Variants in SMAD1 observed in about 807,000 individuals in gnomAD.
SMAD1 encodes MAD, mothers against decapentaplegic homolog 1.
SMAD1 carries 6 observed loss-of-function variants against 41.6 expected under a neutral mutation model. The ratio of observed to expected loss-of-function variants is 0.14; its 90% CI spans 0.08 to 0.28. SMAD1 has a LOEUF of 0.28. Ranked by LOEUF, SMAD1 falls within the 10% of genes least tolerant of loss-of-function variation. The pLI is 1.00. For synonymous variants in SMAD1, 206 were observed against 203.2 expected (o/e 1.01, Z -0.12); for missense variants, 379 against 582.6 (o/e 0.65, Z 3.60).
intron 3 of SMAD1, among the ~76,000 whole-genome samples, chr4:145,540,489 A>T (rs1164482049): frequency 6.6e-6 from 1 of 152,248 alleles, no homozygotes; most frequent in Non-Finnish European, 1.5e-5. Flanking sequence ...ATATTTCCTG[A>T]GGGATCCCAC....
At chr4:145,535,578 C>A (rs1193671960) in intron 2 of SMAD1, among the ~76,000 whole-genome samples, 3 of 152,070 alleles carry the variant, frequency 2.0e-5, no homozygotes, top group African/African-American at 7.2e-5. Flanking sequence ...AGTAGGCTAT[C>A]TTTCTTTTTA....
intron 1 of SMAD1, chr4:145,497,700 T>C (rs1729170355): frequency 6.6e-6 from 1 of 152,224 alleles, no homozygotes. Flanking sequence ...AAGACTGTAC[T>C]GAACAAGTGA....
chr4:145,546,184 C>G (rs1360427660), intron 4 of SMAD1: 1 of 157,000 alleles, frequency 6.4e-6, no homozygotes, highest in Non-Finnish European at 1.4e-5. Context: ...AAAGTAACTT[C>G]TTATCAATAA....
intron 2 of SMAD1, among the ~76,000 whole-genome samples, chr4:145,533,616 T>A (rs533844525): frequency 1.3e-5 from 2 of 152,296 alleles, no homozygotes; most frequent in South Asian, 4.1e-4. Context: ...CCCAGGAGTT[T>A]GAGGCTGAAT....
chr4:145,517,813 A>G (rs567640709), intron 2 of SMAD1, among the ~76,000 whole-genome samples: 1 of 125,850 alleles, frequency 7.9e-6, no homozygotes, highest in Non-Finnish European at 2.0e-5. Context: ...CATATGTGCT[A>G]ATAAAATAAT....
intron 2 of SMAD1, among the ~76,000 whole-genome samples, chr4:145,534,147 A>G (rs762182036): frequency 3.9e-4 from 59 of 152,172 alleles, no homozygotes; most frequent in Non-Finnish European, 5.9e-4. Flanking sequence ...AGGGAAACCA[A>G]CCTGCCAACA....
At chr4:145,514,000 G>T (rs1465113720) in intron 1 of SMAD1, among the ~76,000 whole-genome samples, 2 of 152,180 alleles carry the variant, frequency 1.3e-5, no homozygotes, top group Admixed American at 6.5e-5. Context: ...CATAGACTGG[G>T]TGGCTTAAAT....
chr4:145,509,729 T>G (rs1402560960), intron 1 of SMAD1, among the ~76,000 whole-genome samples: 2 of 152,196 alleles, frequency 1.3e-5, no homozygotes, highest in Non-Finnish European at 2.9e-5. Flanking sequence ...ATAGGTACAC[T>G]CTGACCAAGT....
intron 1 of SMAD1, among the ~76,000 whole-genome samples, chr4:145,492,241 T>C (rs1480183684): frequency 6.6e-6 from 1 of 152,148 alleles, no homozygotes; most frequent in East Asian, 1.9e-4. Context: ...TGACTCTACC[T>C]GGAGATAGCC....
chr4:145,498,463 CATGTAGAA>C (rs572692973), intron 1 of SMAD1, among the ~76,000 whole-genome samples: 21 of 152,064 alleles, frequency 1.4e-4, no homozygotes, highest in Non-Finnish European at 2.8e-4. Flanking sequence ...CTTCTAGAGC[CATGTAGAA>C]ATAACTCTCT....
rs1378933170 is a variant in SMAD1, at chr4:145,558,981, T to TAAAG, written c.*1050_*1053dup. On this transcript the variant is annotated 3_prime_UTR_variant, in exon 7 of 7. Coordinates refer to ENST00000302085, the MANE Select transcript of SMAD1 (RefSeq NM_005900.3). Reference sequence around the variant, plus strand: ...AACTCTGTTAAATATTTGGAGGATTTAAAGAACATCCCAGTTTGAATTCAT... The same window carrying TAAAG: ...AACTCTGTTAAATATTTGGAGGATTTAAAGAAAGAACATCCCAGTTTGAATTCAT... Among the ~76,000 whole-genome samples, 1 of 152,216 alleles carries TAAAG rather than the reference T, an allele frequency of 6.6e-6. No homozygotes were observed. The highest frequency in any genetic ancestry group is 6.5e-5 in the Admixed American group (1 of 15,284).
intron 5 of SMAD1, among the ~76,000 whole-genome samples, chr4:145,553,184 T>TC (rs1732649355): frequency 2.0e-5 from 3 of 152,028 alleles, no homozygotes; most frequent in Non-Finnish European, 4.4e-5. Context: ...GTGCTGAGAT[T>TC]ACAGGCGTGA....
intron 4 of SMAD1, chr4:145,546,110 T>A (rs1560761408): frequency 6.5e-6 from 1 of 152,848 alleles, no homozygotes; most frequent in Non-Finnish European, 1.5e-5. Flanking sequence ...CAAGATTTCT[T>A]CCTGAGTTTG....
intron 2 of SMAD1, among the ~76,000 whole-genome samples, chr4:145,521,900 TAAA>T (rs10713518): frequency 2.4e-4 from 30 of 124,054 alleles, no homozygotes; most frequent in Admixed American, 4.1e-4. Flanking sequence ...TGGTTTTCTG[TAAA>T]AAAAAAAAAA....
At chr4:145,520,476 A>G (rs1384366524) in intron 2 of SMAD1, among the ~76,000 whole-genome samples, 1 of 152,246 alleles carries the variant, frequency 6.6e-6, no homozygotes, top group Non-Finnish European at 1.5e-5. Flanking sequence ...CACTGGTTTA[A>G]GGTATCCAGG....
At position 145,542,605 on chromosome 4, in the gene SMAD1, C is replaced by G; in HGVS notation, c.682C>G (p.Leu228Val). 1 of 1,609,918 alleles carries G rather than the reference C, an allele frequency of 6.2e-7. No homozygotes were observed. The highest frequency in any genetic ancestry group is 8.5e-7 in the Non-Finnish European group (1 of 1,178,360). Residue 228 changes from leucine (L) to valine (V), a missense_variant, in exon 4 of 7, where the codon CTG (leucine) becomes GTG (valine). Transcript: ENST00000302085. ...MPADTPPPAY[L>V]PPEDPMTQDG... The stretch of plus-strand genomic sequence containing the variant: ...AGCTGATACGCCCCCACCTGCTTAC[C>G]TGCCTCCTGAAGACCCCATGACCCA...
chr4:145,493,245 C>T (rs1467886630), intron 1 of SMAD1, among the ~76,000 whole-genome samples: 6 of 152,094 alleles, frequency 3.9e-5, no homozygotes, highest in East Asian at 1.9e-4. Context: ...CCAGGAAAAT[C>T]GGTCTTAATT....
intron 2 of SMAD1, among the ~76,000 whole-genome samples, chr4:145,516,396 T>C (rs1200175904): frequency 6.6e-6 from 1 of 152,234 alleles, no homozygotes; most frequent in South Asian, 2.1e-4. Context: ...TATTGGAATT[T>C]CGTTGATTTC....
In SMAD1 at chr4:145,558,086, A is replaced by C. The variant is rs1041598299; in HGVS notation, c.*152A>C. On this transcript the variant is annotated 3_prime_UTR_variant, in exon 7 of 7. Transcript: ENST00000302085. ...TGGATTCAGAAATTTAAACAAAAAA[A>C]AAAAAAAACACACACACCTTGGTAA... 10 of 412,664 alleles carry C rather than the reference A, an allele frequency of 2.4e-5. No individual in the cohort carries two copies. The highest frequency in any genetic ancestry group is 2.0e-4 in the African/African-American group (10 of 49,730). 25.6% of individuals were successfully genotyped at this position (412,664 alleles called of 1,614,324 possible). A position where few individuals can be genotyped will look rare whatever the true frequency, so the allele number is the denominator to read the frequency against.
Sources: allele counts gnomAD v4.1 joint callset (sites outside exome capture counted in the v4.1 genomes callset), GRCh38; gene constraint gnomAD v4.1.1; transcripts MANE v1.5; gene names NCBI Gene and HGNC (gene_info 2026-07-23, HGNC 2026-07-21).